Variants in PACRG observed in about 807,000 individuals in gnomAD.
PACRG encodes the protein parkin coregulated gene protein.
A neutral mutation model predicts 29.7 loss-of-function variants in PACRG; 29 were observed. The ratio of observed to expected loss-of-function variants is 0.98; its 90% CI spans 0.73 to 1.33. PACRG has a LOEUF of 1.33. PACRG is among the 40% of genes most tolerant of loss of function. The probability of loss-of-function intolerance (pLI) is 0.00; values close to 1 mark genes in which losing one functional copy is unlikely to be tolerated. For synonymous variants in PACRG, 116 were observed against 118.7 expected (o/e 0.98, Z 0.15); for missense variants, 279 against 316.2 (o/e 0.88, Z 0.89).
At chr6:163,172,560 T>C (rs946151263) in intron 4 of PACRG, among the ~76,000 whole-genome samples, 2 of 152,110 alleles carry the variant, frequency 1.3e-5, no homozygotes, top group Non-Finnish European at 2.9e-5. Context: ...GATTTTTCTT[T>C]TCTGGGAAGA....
At chr6:162,855,253 C>G (rs1360032593) in intron 2 of PACRG, among the ~76,000 whole-genome samples, 1 of 152,188 alleles carries the variant, frequency 6.6e-6, no homozygotes, top group Non-Finnish European at 1.5e-5. Context: ...AGCACCCTAT[C>G]TGGCACACAA....
chr6:163,229,928 A>G (rs1190578440), intron 4 of PACRG, among the ~76,000 whole-genome samples: 2 of 152,204 alleles, frequency 1.3e-5, no homozygotes, highest in Non-Finnish European at 2.9e-5. Flanking sequence ...ACCTAATTCA[A>G]TTGTAACCTG....
intron 2 of PACRG, among the ~76,000 whole-genome samples, chr6:162,852,308 A>G (rs926348185): frequency 6.6e-6 from 1 of 152,178 alleles, no homozygotes; most frequent in African/African-American, 2.4e-5. Flanking sequence ...CAGGGTCCTC[A>G]ATTCTGGGCA....
At chr6:162,922,495 G>C (rs1473561771) in intron 2 of PACRG, among the ~76,000 whole-genome samples, 1 of 151,862 alleles carries the variant, frequency 6.6e-6, no homozygotes, top group Non-Finnish European at 1.5e-5. Context: ...TCACCCTGCA[G>C]TGCAGTGGAA....
intron 2 of PACRG, among the ~76,000 whole-genome samples, chr6:162,903,563 T>C (rs1416952616): frequency 6.6e-6 from 1 of 152,032 alleles, no homozygotes; most frequent in Non-Finnish European, 1.5e-5. Context: ...TATAAAACCA[T>C]CAGATCTCAT....
At chr6:163,203,277 G>C (rs1780779495) in intron 4 of PACRG, among the ~76,000 whole-genome samples, 1 of 152,118 alleles carries the variant, frequency 6.6e-6, no homozygotes, top group South Asian at 2.1e-4. Context: ...GCCGGGTGTG[G>C]TGACATGTGC....
intron 2 of PACRG, among the ~76,000 whole-genome samples, chr6:163,003,425 A>G (rs921111346): frequency 6.6e-6 from 1 of 152,212 alleles, no homozygotes; most frequent in African/African-American, 2.4e-5. Context: ...GGAAGAGGAA[A>G]TTGAGCCTGT....
At chr6:163,184,959 G>T (rs1331493185) in intron 4 of PACRG, 1 of 152,186 alleles carries the variant, frequency 6.6e-6, no homozygotes, top group Non-Finnish European at 1.5e-5. Flanking sequence ...TAGAAATTAG[G>T]CCAGATCATG....
chr6:162,807,378 T>C (rs1313407669), intron 1 of PACRG, among the ~76,000 whole-genome samples: 1 of 152,212 alleles, frequency 6.6e-6, no homozygotes, highest in African/African-American at 2.4e-5. Flanking sequence ...ATATGCCTTC[T>C]TCACTGAGCT....
chr6:162,868,819 A>G (rs914863475), intron 2 of PACRG, among the ~76,000 whole-genome samples: 3 of 152,150 alleles, frequency 2.0e-5, no homozygotes, highest in African/African-American at 7.2e-5. Flanking sequence ...ACTGAATCCT[A>G]CTGAAAAAGG....
intron 2 of PACRG, among the ~76,000 whole-genome samples, chr6:162,852,028 G>GGAGT (rs1790952440): frequency 6.6e-6 from 1 of 151,412 alleles, no homozygotes; most frequent in Non-Finnish European, 1.5e-5. Context: ...AGGAAGGAAG[G>GGAGT]AAGGAAGGAA....
intron 4 of PACRG, among the ~76,000 whole-genome samples, chr6:163,142,595 CGAA>C (rs1175385652): frequency 2.0e-5 from 3 of 152,086 alleles, no homozygotes; most frequent in Admixed American, 6.5e-5. Context: ...AAAGAAGAAT[CGAA>C]GAAGAAGGTA....
chr6:163,215,777 T>C (rs1781337204), intron 4 of PACRG, among the ~76,000 whole-genome samples: 1 of 152,060 alleles, frequency 6.6e-6, no homozygotes, highest in South Asian at 2.1e-4. Context: ...GGAAAAGGCT[T>C]GAGAATGACA....
At chr6:162,988,178 G>T (rs1200314119) in intron 2 of PACRG, among the ~76,000 whole-genome samples, 1 of 152,246 alleles carries the variant, frequency 6.6e-6, no homozygotes, top group East Asian at 1.9e-4. Context: ...CATCCAAGTG[G>T]GAGCTGCATG....
intron 1 of PACRG, among the ~76,000 whole-genome samples, chr6:162,807,670 C>T (rs1459208819): frequency 6.6e-6 from 1 of 152,020 alleles, no homozygotes; most frequent in Non-Finnish European, 1.5e-5. Flanking sequence ...GATCACAGGT[C>T]ACCATAACAG....
intron 2 of PACRG, among the ~76,000 whole-genome samples, chr6:162,996,320 G>T (rs1053546978): frequency 1.3e-5 from 2 of 152,024 alleles, no homozygotes; most frequent in Non-Finnish European, 2.9e-5. Context: ...TTTAAAAAGG[G>T]GTCATTACTG....
chr6:162,898,011 C>G (rs1472025263), intron 2 of PACRG, among the ~76,000 whole-genome samples: 2 of 152,182 alleles, frequency 1.3e-5, no homozygotes, highest in African/African-American at 4.8e-5. Context: ...TTCCCCTGTC[C>G]ATGTCTACAT....
At chr6:162,747,362 A>ATG in intron 1 of PACRG, among the ~76,000 whole-genome samples, 1 of 55,148 alleles carries the variant, frequency 1.8e-5, no homozygotes, top group Admixed American at 2.6e-4. Flanking sequence ...ATATATATAT[A>ATG]TACACATACA....
intron 1 of PACRG, among the ~76,000 whole-genome samples, chr6:162,734,434 T>C (rs1312439849): frequency 6.6e-6 from 1 of 150,544 alleles, no homozygotes; most frequent in Non-Finnish European, 1.5e-5. Flanking sequence ...CATTACCCTT[T>C]ATATACTTAA....
Sources: gnomAD v4.1 joint callset for allele counts (sites outside exome capture counted in the v4.1 genomes callset) on GRCh38, gnomAD v4.1.1 for gene constraint, MANE v1.5 for transcripts, NCBI Gene and HGNC (gene_info 2026-07-23, HGNC 2026-07-21) for gene names.